The following ABCC3 variants were observed in gnomAD, a reference collection of about 807,000 sequenced individuals.
ABCC3 encodes ATP-binding cassette sub-family C member 3.
In ABCC3, 121 loss-of-function variants were observed where a neutral mutation model predicts 165.3. The ratio of observed to expected loss-of-function variants is 0.73; its 90% CI spans 0.63 to 0.85. The LOEUF (loss-of-function observed/expected upper bound fraction) is 0.85, where lower values mean the gene tolerates loss of function less well. Among genes scored for constraint, ABCC3 ranks in the 40% least tolerant of loss-of-function variants. ABCC3 has a pLI of 0.00. For missense variants in ABCC3, 1,869 were observed against 1,964.1 expected, an observed-to-expected ratio of 0.95 and a Z score of 0.92; for synonymous variants, 733 against 810.1, an observed-to-expected ratio of 0.90 and a Z score of 1.62.
intron 2 of ABCC3, 75 bp downstream of exon 2, chr17:50,656,083 A>T: frequency 3.7e-6 from 4 of 1,092,906 alleles, no homozygotes; most frequent in Non-Finnish European, 4.8e-6. Flanking sequence ...ATTTAATTAA[A>T]TTAATTAATT....
At chr17:50,651,713 C>A (rs1967119582) in intron 1 of ABCC3, among the ~76,000 whole-genome samples, 1 of 152,040 alleles carries the variant, frequency 6.6e-6, no homozygotes, top group African/African-American at 2.4e-5. Context: ...GCGATAGAGA[C>A]CCTATTTCAA....
intron 1 of ABCC3, among the ~76,000 whole-genome samples, chr17:50,640,111 A>T (rs143451311): frequency 0.011 from 1,672 of 152,302 alleles, 82 homozygotes; most frequent in Admixed American, 0.088. Context: ...GGGCTCCCAG[A>T]ACCCCAGCTA....
At chr17:50,684,438 G>T (rs1381151542) in intron 28 of ABCC3, among the ~76,000 whole-genome samples, 1 of 152,044 alleles carries the variant, frequency 6.6e-6, no homozygotes, top group Non-Finnish European at 1.5e-5. Flanking sequence ...TCTCCTCCGG[G>T]GTATTTTTTG....
At chr17:50,687,419 G>A (rs1968041767) in intron 29 of ABCC3, 117 bp from the exon 30 acceptor site, 1 of 987,880 alleles carries the variant, frequency 1.0e-6, no homozygotes. Context: ...GCAGAAATGG[G>A]AGAAGTCAGA....
intron 19 of ABCC3, 62 bp from the exon 20 acceptor site, chr17:50,675,299 GA>G: frequency 8.4e-7 from 1 of 1,195,334 alleles, no homozygotes; most frequent in Non-Finnish European, 1.2e-6. Context: ...GGGAATGGGA[GA>G]TACCAGGGGC....
chr17:50,687,503 C>T, intron 29 of ABCC3, 33 bp from the exon 30 acceptor site: 1 of 1,601,704 alleles, frequency 6.2e-7, no homozygotes, highest in Non-Finnish European at 8.5e-7. Flanking sequence ...TGGGAGGCCC[C>T]CAGCTGGAAA....
At chr17:50,646,571 G>A (rs1316546794) in intron 1 of ABCC3, among the ~76,000 whole-genome samples, 1 of 152,190 alleles carries the variant, frequency 6.6e-6, no homozygotes, top group Non-Finnish European at 1.5e-5. Context: ...GCAGAGAAGA[G>A]GAAAGGACTG....
rs535710725 is a variant in ABCC3, at chr17:50,673,035, C to A, written c.2306C>A (p.Ala769Asp). Residue 769 changes from alanine to aspartate, a missense_variant, in exon 18 of 31, where the codon GCC becomes GAC. Coordinates refer to ENST00000285238, the MANE Select transcript of ABCC3 (RefSeq NM_003786.4). ...VSLARAVYSD[A>D]DIFLLDDPLS... ...CTGGCTCGAGCTGTTTACAGTGATG[C>A]CGATATTTTCTTGCTGGATGACCCA... is the stretch of plus-strand genomic sequence containing the variant. 4 of 1,614,162 alleles carry A rather than the reference C, an allele frequency of 2.5e-6. No individual in the cohort carries two copies. The highest frequency in any genetic ancestry group is 2.7e-5 in the African/African-American group (2 of 75,030).
chr17:50,636,824 G>A (rs936473361), intron 1 of ABCC3, among the ~76,000 whole-genome samples: 1 of 152,236 alleles, frequency 6.6e-6, no homozygotes, highest in Non-Finnish European at 1.5e-5. Context: ...ACATGGGATT[G>A]TGGAATCCAA....
At chr17:50,646,090 G>A (rs1252217850) in intron 1 of ABCC3, among the ~76,000 whole-genome samples, 3 of 152,158 alleles carry the variant, frequency 2.0e-5, no homozygotes, top group Non-Finnish European at 4.4e-5. Context: ...GGTGATAGGT[G>A]TTATAGAGAA....
chr17:50,669,131 T>G lies in ABCC3; in HGVS notation c.1938-9T>G. On this transcript the variant is annotated splice_polypyrimidine_tract_variant and intron_variant, in intron 15 of 30. Transcript: ENST00000285238. ...CCTCTAACTGGACTCCTGGGGTCCT[T>G]GCCCCCAGCCTAGACATCCAGGTCC... 6.3e-7 allele frequency: 1 copy of G among 1,595,588 alleles called. No individual in the cohort carries two copies. Among genetic ancestry groups the G allele is most frequent in the Non-Finnish European group, 8.5e-7 (1 of 1,172,944 alleles).
At chr17:50,638,586 ACTC>A (rs1443220274) in intron 1 of ABCC3, among the ~76,000 whole-genome samples, 2 of 151,654 alleles carry the variant, frequency 1.3e-5, no homozygotes, top group African/African-American at 4.9e-5. Flanking sequence ...AGATTTCTGG[ACTC>A]CTCCTTCCCT....
At position 50,673,486 on chromosome 17, in the gene ABCC3, G is replaced by T. The variant is rs769160557; in HGVS notation, c.2427G>T (p.Thr809=). ...CTCCCCAGACGCGAGTGCTGGTGACGCACGGCATTAGCTTCCTGCCCCAGA... is the reference window on the plus strand; with the variant it reads ...CTCCCCAGACGCGAGTGCTGGTGACTCACGGCATTAGCTTCCTGCCCCAGA... ...VLAGKTRVLV[T]HGISFLPQTD... The change falls in exon 19 of 31, where the codon ACG becomes ACT. Residue 809 remains threonine, a synonymous_variant. Transcript: ENST00000285238. 1.2e-6 allele frequency: 2 copies of T among 1,614,082 alleles called. No homozygotes were observed. The highest frequency in any genetic ancestry group is 4.5e-5 in the East Asian group (2 of 44,874).
chr17:50,682,002 A>G (rs1395055289), intron 26 of ABCC3, among the ~76,000 whole-genome samples: 1 of 151,996 alleles, frequency 6.6e-6, no homozygotes, highest in Non-Finnish European at 1.5e-5. Flanking sequence ...TCTGTATCCT[A>G]TAAATGTCTG....
intron 26 of ABCC3, among the ~76,000 whole-genome samples, chr17:50,682,928 CA>C (rs1967952938): frequency 2.0e-5 from 3 of 152,106 alleles, no homozygotes; most frequent in Admixed American, 2.0e-4. Flanking sequence ...AGGTGTGGCA[CA>C]GTGGCTCACA....
intron 13 of ABCC3, 98 bp downstream of exon 13, chr17:50,668,107 T>A: frequency 9.2e-7 from 1 of 1,081,884 alleles, no homozygotes; most frequent in East Asian, 2.4e-5. Flanking sequence ...GGGGGAGTTA[T>A]TGGATTCAGG....
intron 2 of ABCC3, 27 bp from the exon 3 acceptor site, chr17:50,656,675 G>A (rs1033829766): frequency 9.4e-6 from 15 of 1,596,716 alleles, no homozygotes; most frequent in East Asian, 4.5e-5. Context: ...CTGGGGATGC[G>A]GATTCCAACC....
chr17:50,654,229 G>C (rs1263057512), intron 1 of ABCC3, among the ~76,000 whole-genome samples: 1 of 152,220 alleles, frequency 6.6e-6, no homozygotes, highest in African/African-American at 2.4e-5. Context: ...GATGTCTCTA[G>C]GTGGATGAGA....
chr17:50,678,017 TC>T, intron 24 of ABCC3, 74 bp downstream of exon 24: 1 of 1,613,940 alleles, frequency 6.2e-7, no homozygotes, highest in Non-Finnish European at 8.5e-7. Context: ...AGGGTCCTTG[TC>T]CCTCCTTTCC....
Sources: gnomAD v4.1 joint callset for allele counts (sites outside exome capture counted in the v4.1 genomes callset) on GRCh38, gnomAD v4.1.1 for gene constraint, MANE v1.5 for transcripts, NCBI Gene and HGNC (gene_info 2026-07-23, HGNC 2026-07-21) for gene names.